CDKL5: variants seen among roughly 807,000 people sequenced by gnomAD.
The protein encoded by CDKL5 is cyclin dependent kinase like 5.
A neutral mutation model predicts 61.7 loss-of-function variants in CDKL5; 8 were observed. The observed-to-expected ratio is 0.13, with a 90% confidence interval of 0.08 to 0.23. The LOEUF (loss-of-function observed/expected upper bound fraction) is 0.23, where lower values mean the gene tolerates loss of function less well. CDKL5 is among the 10% of genes least tolerant of loss of function. The pLI is 1.00. For missense variants in CDKL5, 440 were observed against 734.5 expected (o/e 0.60, Z 4.63); for synonymous variants, 275 against 272.3 (o/e 1.01, Z -0.10).
intron 4 of CDKL5, 108 bp downstream of exon 4, chrX:18,564,630 C>CT: frequency 4.4e-6 from 1 of 228,795 alleles, no homozygotes; most frequent in Non-Finnish European, 7.8e-6. Flanking sequence ...TGGTCAGACA[C>CT]TGTCTATTCC....
chrX:18,608,049 A>G (rs1926422154), intron 12 of CDKL5, among the ~76,000 whole-genome samples: 1 of 112,088 alleles, frequency 8.9e-6, no homozygotes, highest in Non-Finnish European at 1.9e-5. Context: ...ATGACTTGGT[A>G]ATTTTCTTCC....
At chrX:18,546,161 G>A (rs1296325414) in intron 3 of CDKL5, among the ~76,000 whole-genome samples, 1 of 111,030 alleles carries the variant, frequency 9.0e-6, no homozygotes, top group Non-Finnish European at 1.9e-5. Flanking sequence ...TAAAAAAACA[G>A]GTTATCCGTT....
intron 1 of CDKL5, among the ~76,000 whole-genome samples, chrX:18,473,906 T>G (rs1921205061): frequency 9.2e-6 from 1 of 108,591 alleles, no homozygotes; most frequent in East Asian, 2.9e-4. Flanking sequence ...GTTCTTTTTT[T>G]TTTTTTTGAG....
intron 5 of CDKL5, among the ~76,000 whole-genome samples, chrX:18,577,428 C>T (rs1293781033): frequency 1.8e-5 from 2 of 112,038 alleles, no homozygotes; most frequent in Non-Finnish European, 3.8e-5. Context: ...CAGTGAGTCT[C>T]AGGAGAGCAA....
At position 18,564,526 on chromosome X, in the gene CDKL5, GATAT is replaced by G. The variant is rs745969938; in HGVS notation, c.145+25_145+28del. On this transcript the variant is annotated splice_donor_5th_base_variant and intron_variant, in intron 4 of 17. Coordinates refer to ENST00000623535, the MANE Select transcript of CDKL5 (RefSeq NM_001323289.2). ...AAGAAATTCAAGGACAGTGAAGGTA[GATAT>G]ATATATATATATATATATATCTGTA... 3.9e-3 allele frequency: 2,321 copies of G among 594,491 alleles called. No individual in the cohort carries two copies. The highest frequency in any genetic ancestry group is 6.9e-3 in the East Asian group (149 of 21,584). 49.0% of individuals were successfully genotyped at this position (594,491 alleles called of 1,213,427 possible). A position where few individuals can be genotyped will look rare whatever the true frequency, so the allele number is the denominator to read the frequency against.
intron 3 of CDKL5, among the ~76,000 whole-genome samples, chrX:18,556,882 CAAAAAAAAAAA>C (rs67362338): frequency 1.8e-4 from 8 of 44,957 alleles, no homozygotes; most frequent in African/African-American, 6.3e-4. Context: ...GACTCCGTCT[CAAAAAAAAAAA>C]AAAAAAAAAA....
At chrX:18,538,329 T>A (rs1468646193) in intron 3 of CDKL5, among the ~76,000 whole-genome samples, 2 of 112,183 alleles carry the variant, frequency 1.8e-5, no homozygotes, top group African/African-American at 6.5e-5. Context: ...TATTCTGGAT[T>A]TAAATCTTTT....
intron 4 of CDKL5, among the ~76,000 whole-genome samples, chrX:18,567,532 A>T (rs914555721): frequency 1.1e-4 from 12 of 111,494 alleles, no homozygotes; most frequent in African/African-American, 3.9e-4. Context: ...ATGCTCCTTG[A>T]CTTGTGATGA....
At chrX:18,527,780 T>G (rs952262251) in intron 3 of CDKL5, among the ~76,000 whole-genome samples, 1 of 111,927 alleles carries the variant, frequency 8.9e-6, no homozygotes, top group African/African-American at 3.2e-5. Context: ...CTTTCTTTTC[T>G]TTCCTAAGGT....
intron 1 of CDKL5, among the ~76,000 whole-genome samples, chrX:18,440,775 T>G (rs1312197463): frequency 1.8e-5 from 2 of 111,682 alleles, no homozygotes; most frequent in African/African-American, 6.5e-5. Context: ...TTCCTTCTGC[T>G]AGGCCGTTAG....
In CDKL5 at chrX:18,632,461, G is replaced by A; in HGVS notation, c.*3704G>A. 1.3e-6 allele frequency: 1 copy of A among 754,321 alleles called. No homozygotes were observed. Among genetic ancestry groups the A allele is most frequent in the Non-Finnish European group, 1.6e-6 (1 of 639,267 alleles). 62.2% of individuals were successfully genotyped at this position (754,321 alleles called of 1,213,427 possible). A position where few individuals can be genotyped will look rare whatever the true frequency, so the allele number is the denominator to read the frequency against. ...TCAAAGGCATCCGTGGCTTTCAGCT[G>A]TGTCTCCCGAAAGAAAATGTCTTTG... On this transcript the variant is annotated 3_prime_UTR_variant, in exon 18 of 18. Transcript: ENST00000623535.
rs992157029 is a variant in CDKL5 at position 18,634,416 on chromosome X, G to A, written c.*5659G>A. On this transcript the variant is annotated 3_prime_UTR_variant, in exon 18 of 18. Coordinates refer to ENST00000623535, the MANE Select transcript of CDKL5 (RefSeq NM_001323289.2). Reference sequence around the variant, plus strand: ...CCTTGACTTTTGTCCCTGTTGTGGGGACTAAAGTGTTTTTTGCCAGAATTG... The same window carrying A: ...CCTTGACTTTTGTCCCTGTTGTGGGAACTAAAGTGTTTTTTGCCAGAATTG... The A allele has an allele frequency of 8.0e-6, 6 of 752,635 alleles. No homozygotes were observed. The highest frequency in any genetic ancestry group is 9.4e-6 in the Non-Finnish European group (6 of 639,157). The allele number at this position is 752,635 out of a possible 1,213,427, so 62.0% of individuals were successfully genotyped here. A position where few individuals can be genotyped will look rare whatever the true frequency, so the allele number is the denominator to read the frequency against.
chrX:18,482,553 A>C (rs1380540355), intron 1 of CDKL5, among the ~76,000 whole-genome samples: 1 of 109,706 alleles, frequency 9.1e-6, no homozygotes, highest in Non-Finnish European at 1.9e-5. Context: ...TCTTTCATGA[A>C]ACTTCTTAGG....
chrX:18,545,450 G>A (rs144900858), intron 3 of CDKL5, among the ~76,000 whole-genome samples: 1,384 of 111,661 alleles, frequency 0.012, 12 homozygotes, highest in Middle Eastern at 0.023. Context: ...TGACTCACAC[G>A]TCATTATGTA....
rs761966061 is a variant in CDKL5, at chrX:18,629,902, C to T, written c.*1145C>T. ...GTGTAGAGCGTAGACCAAAGATTTG[C>T]CAGTGAACATTCCTTGTTGTGAGAT... On this transcript the variant is annotated 3_prime_UTR_variant, in exon 18 of 18. Transcript: ENST00000623535. 4 of 753,799 alleles carry T rather than the reference C, an allele frequency of 5.3e-6. No individual in the cohort carries two copies. Among genetic ancestry groups the T allele is most frequent in the Non-Finnish European group, 3.1e-6 (2 of 638,996 alleles). 62.1% of individuals were successfully genotyped at this position (753,799 alleles called of 1,213,427 possible). A position where few individuals can be genotyped will look rare whatever the true frequency, so the allele number is the denominator to read the frequency against.
chrX:18,571,128 C>T (rs1012089287), intron 4 of CDKL5, among the ~76,000 whole-genome samples: 2 of 111,335 alleles, frequency 1.8e-5, no homozygotes, highest in African/African-American at 6.5e-5. Context: ...GATGATGGAC[C>T]TCAGGCTCAA....
chrX:18,482,838 G>A (rs894179694), intron 1 of CDKL5, among the ~76,000 whole-genome samples: 4 of 111,680 alleles, frequency 3.6e-5, no homozygotes, highest in Non-Finnish European at 7.5e-5. Context: ...TGTTGAGGCC[G>A]AGTAGAAAAA....
At chrX:18,498,303 T>C (rs746756691) in intron 1 of CDKL5, among the ~76,000 whole-genome samples, 10 of 112,437 alleles carry the variant, frequency 8.9e-5, no homozygotes. Context: ...AACAATGCTG[T>C]TGTATCAGTT....
At chrX:18,444,994 C>A in intron 1 of CDKL5, among the ~76,000 whole-genome samples, 1 of 110,582 alleles carries the variant, frequency 9.0e-6, no homozygotes, top group East Asian at 2.8e-4. Context: ...TCAGATGGGT[C>A]TCCAGCACCT....
Sources: gnomAD v4.1 joint callset for allele counts (sites outside exome capture counted in the v4.1 genomes callset) on GRCh38, gnomAD v4.1.1 for gene constraint, MANE v1.5 for transcripts, NCBI Gene and HGNC (gene_info 2026-07-23, HGNC 2026-07-21) for gene names.